The following LNPEP variants were observed in gnomAD, a reference collection of about 807,000 sequenced individuals.
LNPEP encodes leucyl-cystinyl aminopeptidase.
In LNPEP, 64 loss-of-function variants were observed where a neutral mutation model predicts 120.6. The observed-to-expected ratio is 0.53, with a 90% CI of 0.43 to 0.65. LNPEP has a LOEUF of 0.65. LNPEP is among the 30% of genes least tolerant of loss of function. The pLI is 0.00. For missense variants in LNPEP, 1,057 were observed against 1,200.0 expected, an observed-to-expected ratio of 0.88 and a Z score of 1.76; for synonymous variants, 435 against 425.4, an observed-to-expected ratio of 1.02 and a Z score of -0.28.
intron 3 of LNPEP, 116 bp downstream of exon 3, chr5:96,985,334 A>T: frequency 2.5e-6 from 2 of 816,106 alleles, no homozygotes; most frequent in Non-Finnish European, 3.6e-6. Context: ...ATACATTAAT[A>T]TTCTTCCTTA....
At chr5:96,966,339 T>G (rs1344900055) in intron 1 of LNPEP, among the ~76,000 whole-genome samples, 1 of 151,840 alleles carries the variant, frequency 6.6e-6, no homozygotes, top group Non-Finnish European at 1.5e-5. Flanking sequence ...TCTACAAAAA[T>G]TTTTTTAAAA....
intron 1 of LNPEP, among the ~76,000 whole-genome samples, chr5:96,957,889 A>C (rs1474422883): frequency 2.0e-5 from 3 of 152,220 alleles, no homozygotes; most frequent in African/African-American, 7.2e-5. Flanking sequence ...TTCTGCACAT[A>C]TGTAGCTCAG....
chr5:97,016,393 A>G (rs923398460), intron 13 of LNPEP, among the ~76,000 whole-genome samples: 4 of 152,170 alleles, frequency 2.6e-5, no homozygotes, highest in Non-Finnish European at 5.9e-5. Flanking sequence ...AGATTACCTC[A>G]TTTAATTATC....
At chr5:97,009,345 C>G (rs1343689443) in intron 11 of LNPEP, among the ~76,000 whole-genome samples, 1 of 121,954 alleles carries the variant, frequency 8.2e-6, no homozygotes, top group Non-Finnish European at 1.7e-5. Context: ...TCACTCATAT[C>G]TATCCTCATA....
rs537316292 is a variant in LNPEP, at chr5:96,998,284, T to C, written c.1653+139T>C. On this transcript the variant is annotated intron_variant, in intron 8 of 17. Transcript: ENST00000231368. ...TAATGGTAAACTATAAAATGTTTGCTTCTGTATAAATCTTGGTCATAACTT... is the reference window on the plus strand; with the variant it reads ...TAATGGTAAACTATAAAATGTTTGCCTCTGTATAAATCTTGGTCATAACTT... 4.2e-5 allele frequency: 30 copies of C among 711,490 alleles called. No homozygotes were observed. In the African/African-American group the frequency reaches 5.7e-4, roughly 13 times the overall value. 44.1% of individuals were successfully genotyped at this position (711,490 alleles called of 1,614,324 possible). A position where few individuals can be genotyped will look rare whatever the true frequency, so the allele number is the denominator to read the frequency against.
In LNPEP at chr5:97,013,768, A is replaced by C. The variant is rs1790993989; in HGVS notation, c.2156A>C (p.Asn719Thr). 5 of 1,612,386 alleles carry C rather than the reference A, an allele frequency of 3.1e-6. No homozygotes were observed. The highest frequency in any genetic ancestry group is 3.4e-6 in the Non-Finnish European group (4 of 1,178,950). ...WEALIHQLKI[N>T]PYVLSDKDRA... ...GCACTAATCCATCAGTTGAAAATAA[A>C]TCCTTATGTTCTGAGTGACAAAGAC... The change falls in exon 12 of 18, where the codon AAT becomes ACT. Residue 719 changes from asparagine (N) to threonine (T), a missense_variant. Physicochemically the swap from Asn to Thr is moderately conservative, Grantham distance 65. Transcript: ENST00000231368.
intron 1 of LNPEP, chr5:96,962,642 CT>C (rs34252666): frequency 0.35 from 48,819 of 138,980 alleles, 8,408 homozygotes; most frequent in Non-Finnish European, 0.42. Context: ...TTTCTTTATT[CT>C]TTTTTTTTTT....
At chr5:96,982,593 T>A (rs1790152413) in intron 2 of LNPEP, among the ~76,000 whole-genome samples, 1 of 152,188 alleles carries the variant, frequency 6.6e-6, no homozygotes, top group Non-Finnish European at 1.5e-5. Flanking sequence ...ACATCAAACT[T>A]TATTCCCTGG....
intron 3 of LNPEP, 103 bp downstream of exon 3, chr5:96,985,321 C>A: frequency 3.3e-6 from 3 of 921,528 alleles, no homozygotes; most frequent in East Asian, 2.7e-5. Flanking sequence ...TGATTAAAAT[C>A]ATATACATTA....
chr5:96,954,408 T>G (rs1789390460), intron 1 of LNPEP, among the ~76,000 whole-genome samples: 1 of 152,012 alleles, frequency 6.6e-6, no homozygotes, highest in Non-Finnish European at 1.5e-5. Context: ...TCAGAAATAC[T>G]TTTATACAGA....
At chr5:97,021,735 G>T (rs749574049) in intron 13 of LNPEP, among the ~76,000 whole-genome samples, 7 of 152,068 alleles carry the variant, frequency 4.6e-5, no homozygotes, top group Non-Finnish European at 8.8e-5. Flanking sequence ...ATCACTAAAA[G>T]TCCCCCTTAG....
In LNPEP at chr5:97,003,091, T is replaced by C. The variant is rs1790692610; in HGVS notation, c.1654-324T>C. 2.0e-5 allele frequency among the ~76,000 whole-genome samples: 3 copies of C among 152,192 alleles called. No homozygotes were observed. The South Asian group carries it at 6.2e-4, about 32-fold the overall frequency. On this transcript the variant is annotated intron_variant, in intron 8 of 17. Transcript: ENST00000231368. ...CAGAAAATTTGGCATGTTTTTCTAT[T>C]AAAATGTTTTTATAAATACTTAGCT...
At chr5:96,950,766 GC>G (rs1789300104) in intron 1 of LNPEP, among the ~76,000 whole-genome samples, 1 of 152,056 alleles carries the variant, frequency 6.6e-6, no homozygotes, top group Admixed American at 6.5e-5. Flanking sequence ...CTCATTAATG[GC>G]CACACAACTT....
intron 1 of LNPEP, among the ~76,000 whole-genome samples, chr5:96,976,333 G>A (rs980314791): frequency 7.2e-5 from 11 of 152,066 alleles, no homozygotes; most frequent in Admixed American, 5.9e-4. Context: ...AAAATTCTAC[G>A]TTGGTATTAT....
At chr5:97,001,309 CGA>C (rs1790643719) in intron 8 of LNPEP, among the ~76,000 whole-genome samples, 1 of 151,984 alleles carries the variant, frequency 6.6e-6, no homozygotes, top group Non-Finnish European at 1.5e-5. Flanking sequence ...ATATGAAATA[CGA>C]GAGAGGGGTC....
intron 7 of LNPEP, 68 bp downstream of exon 7, chr5:96,996,571 G>A: frequency 1.2e-6 from 1 of 835,622 alleles, no homozygotes; most frequent in Non-Finnish European, 2.0e-6. Context: ...ACATTTTCAT[G>A]TATTTTCTGT....
chr5:96,943,237 AG>A (rs1156894563), intron 1 of LNPEP: 12 of 80,740 alleles, frequency 1.5e-4, no homozygotes, highest in African/African-American at 5.9e-4. Flanking sequence ...AAAAAAAAAA[AG>A]AAAACTATAG....
chr5:97,011,962 A>G (rs1042119120), intron 11 of LNPEP, among the ~76,000 whole-genome samples: 2 of 152,228 alleles, frequency 1.3e-5, no homozygotes, highest in African/African-American at 4.8e-5. Flanking sequence ...GATAAATCCT[A>G]AGGTTTCAGG....
chr5:96,990,562 T>A (rs560072923), intron 4 of LNPEP, among the ~76,000 whole-genome samples: 1 of 152,218 alleles, frequency 6.6e-6, no homozygotes, highest in Non-Finnish European at 1.5e-5. Flanking sequence ...TATTGAACAC[T>A]TAGACATTGT....
Sources: allele counts gnomAD v4.1 joint callset (sites outside exome capture counted in the v4.1 genomes callset), GRCh38; gene constraint gnomAD v4.1.1; transcripts MANE v1.5; gene names NCBI Gene and HGNC (gene_info 2026-07-23, HGNC 2026-07-21).